The following RPS6KC1 variants were observed in gnomAD, a reference collection of about 807,000 sequenced individuals.
RPS6KC1 encodes the protein ribosomal protein S6 kinase C1.
Under a neutral mutation model 103.8 loss-of-function variants are expected in RPS6KC1, and 54 were observed. That is an observed-to-expected ratio of 0.52 (90% confidence interval 0.42 to 0.65). The LOEUF (loss-of-function observed/expected upper bound fraction) is 0.65, where lower values mean the gene tolerates loss of function less well. Ranked by LOEUF, RPS6KC1 falls within the 30% of genes least tolerant of loss-of-function variation. The pLI, the probability that RPS6KC1 is intolerant of heterozygous loss-of-function variation, is 0.00. For missense variants in RPS6KC1, 1,151 were observed against 1,253.8 expected, an observed-to-expected ratio of 0.92 and a Z score of 1.24; for synonymous variants, 439 against 438.7, an observed-to-expected ratio of 1.00 and a Z score of -0.01.
chr1:213,854,504 T>TTC, the RPS6KC1 span, among the ~76,000 whole-genome samples: 4 of 150,482 alleles, frequency 2.7e-5, no homozygotes, highest in East Asian at 2.0e-4. Flanking sequence ...TATAATCTCT[T>TTC]TCTTTCTCTT....
At chr1:213,614,017 G>A in the RPS6KC1 span, among the ~76,000 whole-genome samples, 1 of 152,190 alleles carries the variant, frequency 6.6e-6, no homozygotes, top group African/African-American at 2.4e-5. Context: ...TGTGAAAGAC[G>A]ACCAGTGAGG....
At chr1:213,346,205 G>A in the RPS6KC1 span, among the ~76,000 whole-genome samples, 1 of 151,986 alleles carries the variant, frequency 6.6e-6, no homozygotes, top group African/African-American at 2.4e-5. Context: ...AGTTATTCTT[G>A]GCAAGAGGAC....
At chr1:213,535,748 C>T in the RPS6KC1 span, among the ~76,000 whole-genome samples, 1 of 152,190 alleles carries the variant, frequency 6.6e-6, no homozygotes, top group Non-Finnish European at 1.5e-5. Context: ...CAGGTAACCA[C>T]TCACAACATG....
At position 213,241,221 on chromosome 1, in the gene RPS6KC1, G is replaced by C. The variant is rs1254677778; in HGVS notation, c.1745G>C (p.Ser582Thr). 1.2e-6 allele frequency: 2 copies of C among 1,613,684 alleles called. No homozygotes were observed. Among genetic ancestry groups the C allele is most frequent in the African/African-American group, 2.7e-5 (2 of 74,934 alleles). ...CCCAACGATGACCCAGAAGCAGTTAGTTCTCCAAGAACATCAGATTCCCTC... is the reference window on the plus strand; with the variant it reads ...CCCAACGATGACCCAGAAGCAGTTACTTCTCCAAGAACATCAGATTCCCTC... Reference protein sequence around the residue: ...FFPNDDPEAVSSPRTSDSLSR... With the variant: ...FFPNDDPEAVTSPRTSDSLSR... Residue 582 changes from serine to threonine, a missense_variant, in exon 11 of 15, where the codon AGT becomes ACT. Ser to Thr is a moderately conservative substitution (Grantham distance 58, BLOSUM62 1). This residue lies in a region of RPS6KC1 where 959 missense variants were observed against 1,006.3 expected (regional missense o/e 0.95). Coordinates refer to ENST00000366960, the MANE Select transcript of RPS6KC1 (RefSeq NM_012424.6).
chr1:213,759,431 T>C, the RPS6KC1 span, among the ~76,000 whole-genome samples: 2 of 152,228 alleles, frequency 1.3e-5, no homozygotes, highest in African/African-American at 4.8e-5. Flanking sequence ...CTTCAACATA[T>C]GCCTGTAATT....
intron 8 of RPS6KC1, among the ~76,000 whole-genome samples, chr1:213,178,674 G>GT (rs2092056041): frequency 6.6e-6 from 1 of 151,972 alleles, no homozygotes; most frequent in South Asian, 2.1e-4. Context: ...TACTTACTCT[G>GT]TTTAGCTGGG....
intron 8 of RPS6KC1, among the ~76,000 whole-genome samples, chr1:213,217,269 T>G (rs2148731057): frequency 6.6e-6 from 1 of 152,010 alleles, no homozygotes; most frequent in South Asian, 2.1e-4. Context: ...CTAGAAAATC[T>G]AGAAGAAATG....
the RPS6KC1 span, among the ~76,000 whole-genome samples, chr1:213,563,431 G>C: frequency 6.6e-6 from 1 of 151,818 alleles, no homozygotes; most frequent in African/African-American, 2.4e-5. Flanking sequence ...TGGAATTTTA[G>C]TTCATTTATA....
chr1:213,120,723 G>A (rs938772754), intron 5 of RPS6KC1, among the ~76,000 whole-genome samples: 2 of 152,160 alleles, frequency 1.3e-5, no homozygotes, highest in African/African-American at 4.8e-5. Flanking sequence ...TTTCATATTT[G>A]TGAATTAGCT....
rs142004337 is a variant in RPS6KC1 at position 213,102,284 on chromosome 1, C to T, written c.263-2170C>T. Among the ~76,000 whole-genome samples the T allele has an allele frequency of 8.5e-5, 13 of 152,230 alleles. No individual in the cohort carries two copies. In the East Asian group the frequency reaches 1.5e-3, roughly 18 times the overall value. The stretch of plus-strand genomic sequence containing the variant: ...GTCATTTTTTAATGAGATGTAGTCT[C>T]GCTATGTTGCCCAGGCTGAGTTGAA... On this transcript the variant is annotated intron_variant, in intron 3 of 14. Transcript: ENST00000366960.
chr1:213,752,598 T>C, the RPS6KC1 span, among the ~76,000 whole-genome samples: 1 of 152,192 alleles, frequency 6.6e-6, no homozygotes, highest in Non-Finnish European at 1.5e-5. Context: ...GTCATTCCAT[T>C]GAATCAAGCA....
chr1:213,788,283 A>G, the RPS6KC1 span, among the ~76,000 whole-genome samples: 22 of 152,126 alleles, frequency 1.4e-4, no homozygotes. Context: ...TTCCCAAAAG[A>G]CAAATGGTTT....
chr1:213,065,197 G>A (rs910078748), intron 1 of RPS6KC1, among the ~76,000 whole-genome samples: 1 of 150,816 alleles, frequency 6.6e-6, no homozygotes, highest in East Asian at 1.9e-4. Context: ...GGCTGGTCTC[G>A]AACTCCTGAC....
chr1:213,304,423 C>T, the RPS6KC1 span, among the ~76,000 whole-genome samples: 1 of 152,052 alleles, frequency 6.6e-6, no homozygotes, highest in African/African-American at 2.4e-5. Flanking sequence ...CACCATAACT[C>T]ACCACTCAAA....
the RPS6KC1 span, among the ~76,000 whole-genome samples, chr1:213,561,132 A>C: frequency 6.6e-6 from 1 of 152,214 alleles, no homozygotes; most frequent in Non-Finnish European, 1.5e-5. Flanking sequence ...CCAGTCTCAA[A>C]TATACGTCTA....
At chr1:213,358,798 T>C in the RPS6KC1 span, among the ~76,000 whole-genome samples, 1 of 152,248 alleles carries the variant, frequency 6.6e-6, no homozygotes, top group Non-Finnish European at 1.5e-5. Context: ...TATTTCTGCC[T>C]TCATTTCGTT....
At chr1:213,058,056 G>C (rs1262712823) in intron 1 of RPS6KC1, among the ~76,000 whole-genome samples, 5 of 136,526 alleles carry the variant, frequency 3.7e-5, no homozygotes, top group Non-Finnish European at 7.7e-5. Context: ...ACGTGCGCCT[G>C]ACCTTTTTTT....
chr1:213,590,781 C>T, the RPS6KC1 span, among the ~76,000 whole-genome samples: 6 of 152,044 alleles, frequency 3.9e-5, no homozygotes, highest in South Asian at 2.1e-4. Flanking sequence ...GTGGTGGTGG[C>T]GGCGAGTCCT....
At chr1:213,244,560 C>T (rs1290986020) in intron 12 of RPS6KC1, among the ~76,000 whole-genome samples, 1 of 151,834 alleles carries the variant, frequency 6.6e-6, no homozygotes, top group Non-Finnish European at 1.5e-5. Context: ...GATTATTTTT[C>T]TTTATTCTCA....
Sources: allele counts gnomAD v4.1 joint callset (sites outside exome capture counted in the v4.1 genomes callset), GRCh38; gene constraint gnomAD v4.1.1; regional missense constraint gnomAD v4.1.1; transcripts MANE v1.5; gene names NCBI Gene and HGNC (gene_info 2026-07-23, HGNC 2026-07-21).